Variants in NXPH1 observed in about 807,000 individuals in gnomAD.
The protein encoded by NXPH1 is neurexophilin-1.
Under a neutral mutation model 23.7 loss-of-function variants are expected in NXPH1, and 5 were observed. The ratio of observed to expected loss-of-function variants is 0.21; its 90% confidence interval spans 0.11 to 0.44. The LOEUF (loss-of-function observed/expected upper bound fraction) is 0.44. Ranked by LOEUF, NXPH1 falls within the 20% of genes least tolerant of loss-of-function variation. The probability of loss-of-function intolerance (pLI) is 0.99; values close to 1 mark genes in which losing one functional copy is unlikely to be tolerated. For synonymous variants in NXPH1, 144 were observed against 122.2 expected (o/e 1.18, Z -1.18); for missense variants, 324 against 321.6 (o/e 1.01, Z -0.06).
chr7:8,506,074 C>G (rs894845153), intron 2 of NXPH1, among the ~76,000 whole-genome samples: 3 of 151,932 alleles, frequency 2.0e-5, no homozygotes, highest in African/African-American at 7.3e-5. Context: ...AGTTGAACTC[C>G]AAAATATCCT....
chr7:8,660,130 CTTA>C (rs1820649433), intron 2 of NXPH1, among the ~76,000 whole-genome samples: 2 of 152,186 alleles, frequency 1.3e-5, no homozygotes, highest in Admixed American at 1.3e-4. Context: ...CATGGAGCAT[CTTA>C]TTATGTGTCA....
At chr7:8,518,867 G>C (rs532438594) in intron 2 of NXPH1, among the ~76,000 whole-genome samples, 1 of 152,140 alleles carries the variant, frequency 6.6e-6, no homozygotes, top group East Asian at 1.9e-4. Context: ...GTAATATAGG[G>C]GCAAGTTCTT....
chr7:8,621,016 A>G (rs1410785783), intron 2 of NXPH1, among the ~76,000 whole-genome samples: 2 of 152,212 alleles, frequency 1.3e-5, no homozygotes, highest in Non-Finnish European at 2.9e-5. Context: ...TCAAATAATT[A>G]TTGTTATGAC....
chr7:8,596,200 A>G (rs4538792), intron 2 of NXPH1, among the ~76,000 whole-genome samples: 20,944 of 152,068 alleles, frequency 0.14, 2,092 homozygotes, highest in African/African-American at 0.27. Flanking sequence ...TTGAAATTGG[A>G]AAGTTCATTT....
intron 2 of NXPH1, among the ~76,000 whole-genome samples, chr7:8,679,877 C>G (rs560925541): frequency 6.6e-6 from 1 of 152,316 alleles, no homozygotes; most frequent in Non-Finnish European, 1.5e-5. Flanking sequence ...AAAAATTAGC[C>G]AGGTGTGGTG....
intron 2 of NXPH1, among the ~76,000 whole-genome samples, chr7:8,562,987 G>A (rs1347135824): frequency 6.6e-6 from 1 of 151,586 alleles, no homozygotes; most frequent in Non-Finnish European, 1.5e-5. Context: ...TTTAGAAATG[G>A]CTCCAGTAGA....
At chr7:8,481,330 C>G (rs935918782) in intron 2 of NXPH1, among the ~76,000 whole-genome samples, 4 of 152,112 alleles carry the variant, frequency 2.6e-5, no homozygotes, top group African/African-American at 9.7e-5. Context: ...GCAGAGATGT[C>G]ATTTATCTGG....
At chr7:8,548,318 G>A (rs1818226554) in intron 2 of NXPH1, among the ~76,000 whole-genome samples, 1 of 151,504 alleles carries the variant, frequency 6.6e-6, no homozygotes, top group African/African-American at 2.4e-5. Flanking sequence ...CATCGCCCTG[G>A]TTTCAGAGAC....
intron 2 of NXPH1, among the ~76,000 whole-genome samples, chr7:8,559,716 C>T (rs780638922): frequency 3.3e-5 from 5 of 151,542 alleles, no homozygotes; most frequent in Admixed American, 6.6e-5. Context: ...GGTTTAGGTC[C>T]GTAAACTTCA....
chr7:8,731,296 G>A (rs4636095), intron 2 of NXPH1, among the ~76,000 whole-genome samples: 21,197 of 151,820 alleles, frequency 0.14, 1,627 homozygotes, highest in South Asian at 0.2. Flanking sequence ...ATGTCCTCCC[G>A]TAGCTCAGAG....
At position 8,751,627 on chromosome 7, in the gene NXPH1, G is replaced by C. The variant is rs1413012558; in HGVS notation, c.674G>C (p.Ser225Thr). The C allele has an allele frequency of 6.2e-7, 1 of 1,613,552 alleles. No homozygotes were observed. The highest frequency in any genetic ancestry group is 1.3e-5 in the African/African-American group (1 of 75,038). ...ACCTGTTACCAGGAGCAAACCCAAA[G>C]TCATGTATCCTGGCTCTGCTCCAAG... The part of the protein sequence containing the change: ...SKTCYQEQTQ[S>T]HVSWLCSKPF... The change falls in exon 3 of 3, where the codon AGT (serine) becomes ACT (threonine). Residue 225 changes from serine to threonine, a missense_variant. Coordinates refer to ENST00000405863, the MANE Select transcript of NXPH1 (RefSeq NM_152745.3). The surrounding 1 kb of genome is among the most constrained non-coding windows in gnomAD (Gnocchi z 4.5).
chr7:8,699,821 AATCTTC>A (rs1779593278), intron 2 of NXPH1, among the ~76,000 whole-genome samples: 1 of 152,110 alleles, frequency 6.6e-6, no homozygotes, highest in South Asian at 2.1e-4. Flanking sequence ...AGGATTTCTT[AATCTTC>A]ATGTTGCACC....
chr7:8,658,047 A>G (rs1368602442), intron 2 of NXPH1, among the ~76,000 whole-genome samples: 1 of 152,214 alleles, frequency 6.6e-6, no homozygotes, highest in Admixed American at 6.5e-5. Context: ...ATAAATAAAA[A>G]TAAAAGCAAC....
chr7:8,616,123 C>T (rs1428839055), intron 2 of NXPH1, among the ~76,000 whole-genome samples: 1 of 151,868 alleles, frequency 6.6e-6, no homozygotes, highest in Non-Finnish European at 1.5e-5. Flanking sequence ...TTTTATAGAC[C>T]CCTATGTGAT....
intron 2 of NXPH1, among the ~76,000 whole-genome samples, chr7:8,655,337 A>G (rs1820557085): frequency 6.6e-6 from 1 of 151,830 alleles, no homozygotes. Flanking sequence ...GTGAGCTGAG[A>G]TCGCGCTACT....
chr7:8,495,924 CAGG>C, intron 2 of NXPH1, among the ~76,000 whole-genome samples: 1 of 152,124 alleles, frequency 6.6e-6, no homozygotes, highest in Admixed American at 6.6e-5. Flanking sequence ...TGGTGAATCA[CAGG>C]AGAGAGAACT....
chr7:8,639,543 A>G (rs1820273534), intron 2 of NXPH1, among the ~76,000 whole-genome samples: 1 of 151,960 alleles, frequency 6.6e-6, no homozygotes, highest in African/African-American at 2.4e-5. Flanking sequence ...TGTTATTTTC[A>G]TTGACATTTT....
At chr7:8,636,227 T>C (rs551066382) in intron 2 of NXPH1, among the ~76,000 whole-genome samples, 2 of 152,236 alleles carry the variant, frequency 1.3e-5, no homozygotes, top group African/African-American at 4.8e-5. Context: ...GATATTTGAG[T>C]AAATGTAAGT....
intron 2 of NXPH1, among the ~76,000 whole-genome samples, chr7:8,459,419 AAATT>A (rs1263898231): frequency 2.0e-5 from 3 of 152,140 alleles, no homozygotes; most frequent in African/African-American, 7.2e-5. Flanking sequence ...ATAAAACACA[AAATT>A]AATTAAATTG....
Sources: gnomAD v4.1 joint callset for allele counts (sites outside exome capture counted in the v4.1 genomes callset) on GRCh38, gnomAD v4.1.1 for gene constraint, Gnocchi (gnomAD v3.1) non-coding constraint, MANE v1.5 for transcripts, NCBI Gene and HGNC (gene_info 2026-07-23, HGNC 2026-07-21) for gene names.